LRRC40: variants seen among roughly 807,000 people sequenced by gnomAD.
LRRC40 encodes the protein leucine rich repeat containing 40, also known as leucine-rich repeat-containing protein 40.
In LRRC40, 76 loss-of-function variants were observed where a neutral mutation model predicts 72.8. The ratio of observed to expected loss-of-function variants is 1.04; its 90% CI spans 0.87 to 1.26. The LOEUF (loss-of-function observed/expected upper bound fraction) is 1.26. Among genes scored for constraint, LRRC40 ranks in the 50% most tolerant of loss-of-function variants. The pLI, the probability that LRRC40 is intolerant of heterozygous loss-of-function variation, is 0.00. For synonymous variants in LRRC40, 243 were observed against 254.2 expected (o/e 0.96, Z 0.42); for missense variants, 684 against 698.9 (o/e 0.98, Z 0.24).
At chr1:70,174,822 A>C (rs950238605) in intron 7 of LRRC40, among the ~76,000 whole-genome samples, 1 of 152,096 alleles carries the variant, frequency 6.6e-6, no homozygotes, top group Non-Finnish European at 1.5e-5. Flanking sequence ...TTTTAGGGAG[A>C]TAGAAATGTT....
chr1:70,195,490 C>T (rs1003375489), intron 1 of LRRC40, among the ~76,000 whole-genome samples: 3 of 151,432 alleles, frequency 2.0e-5, no homozygotes, highest in African/African-American at 7.3e-5. Flanking sequence ...ATTAAAACCA[C>T]AAAAAAATAT....
Position 70,187,326 on chromosome 1 carries a change from G to A in LRRC40, c.346C>T (p.Gln116Ter). Reference protein sequence around the residue: ...ALTVLDIHDNQLTSLPSAIRE... With the variant: ...ALTVLDIHDN Reference sequence around the variant, plus strand: ...ATAGCAGAAGGAAGGGATGTCAACTGATTATCATGTATCTAAAAGTTTTTA... The same window carrying A: ...ATAGCAGAAGGAAGGGATGTCAACTAATTATCATGTATCTAAAAGTTTTTA... Residue 116 changes from glutamine (Q) to a stop codon, truncating the protein, a stop_gained, in exon 3 of 15, where the codon CAG (glutamine) becomes TAG (stop). Transcript: ENST00000370952. LOFTEE classifies it high-confidence loss of function. 1 of 1,560,582 alleles carries A rather than the reference G, an allele frequency of 6.4e-7. No homozygotes were observed. Among genetic ancestry groups the A allele is most frequent in the Non-Finnish European group, 8.8e-7 (1 of 1,137,102 alleles).
In LRRC40 at chr1:70,148,469, G is replaced by A. The variant is rs1667372247; in HGVS notation, c.1703+18C>T. ...TCAATAAAATAAATGAAACAATGCA[G>A]TAGAATGGTGTAGTTACCTTAAGTT... On this transcript the variant is annotated intron_variant, in intron 14 of 14. Coordinates refer to ENST00000370952, the MANE Select transcript of LRRC40 (RefSeq NM_017768.5). The A allele has an allele frequency of 1.3e-6, 2 of 1,568,286 alleles. No homozygotes were observed. The highest frequency in any genetic ancestry group is 4.5e-5 in the East Asian group (2 of 44,458).
In LRRC40 at chr1:70,152,543, C is replaced by T. The variant is rs1346885549; in HGVS notation, c.1329G>A (p.Arg443=). Residue 443 remains arginine, a splice_region_variant and synonymous_variant, in exon 12 of 15, where the codon AGG becomes AGA. Transcript: ENST00000370952. The stretch of plus-strand genomic sequence containing the variant: ...AAACCATTTCCTTCAGTTCTACCAT[C>T]CTGAAACAAAAATAATTTTAAAATG... The part of the protein sequence containing the change: ...SKNQLCEIPK[R]MVELKEMVSD... The T allele has an allele frequency of 6.6e-7, 1 of 1,507,154 alleles. No homozygotes were observed. The highest frequency in any genetic ancestry group is 2.3e-5 in the East Asian group (1 of 44,162). The allele number at this position is 1,507,154 out of a possible 1,614,324, so 93.4% of individuals were successfully genotyped here.
At chr1:70,198,285 G>C (rs1668659975) in intron 1 of LRRC40, among the ~76,000 whole-genome samples, 1 of 152,100 alleles carries the variant, frequency 6.6e-6, no homozygotes, top group Non-Finnish European at 1.5e-5. Context: ...AATTTAACTG[G>C]CTTATTTAAT....
chr1:70,154,844 T>C (rs796289093), intron 11 of LRRC40, among the ~76,000 whole-genome samples: 77 of 152,236 alleles, frequency 5.1e-4, no homozygotes, highest in African/African-American at 1.7e-3. Context: ...GTTTAATTCT[T>C]ATAAACAGGC....
intron 6 of LRRC40, among the ~76,000 whole-genome samples, chr1:70,178,304 CTTA>C (rs1279156111): frequency 2.0e-5 from 3 of 152,052 alleles, no homozygotes; most frequent in Non-Finnish European, 1.5e-5. Flanking sequence ...GAAAATTATT[CTTA>C]TTAAAGGAAA....
In LRRC40 at chr1:70,184,909, T is replaced by C. The variant is rs1558124375; in HGVS notation, c.413A>G (p.Asn138Ser). 6.3e-7 allele frequency: 1 copy of C among 1,596,614 alleles called. No individual in the cohort carries two copies. Reference sequence around the variant, plus strand: ...TTCTTCAGGGAGTATTTTCAGTTTATTATGGCTATTGGTTGATAAAATAAA... The same window carrying C: ...TTCTTCAGGGAGTATTTTCAGTTTACTATGGCTATTGGTTGATAAAATAAA... ...ENLQKLNVSH[N>S]KLKILPEEIT... The change falls in exon 4 of 15, where the codon AAT (asparagine) becomes AGT (serine). Residue 138 changes from asparagine (N) to serine (S), a missense_variant. Asn to Ser is a conservative substitution (Grantham distance 46). Transcript: ENST00000370952.
chr1:70,175,686 C>T, intron 7 of LRRC40, 124 bp downstream of exon 7: 2 of 658,778 alleles, frequency 3.0e-6, no homozygotes, highest in Non-Finnish European at 4.9e-6. Context: ...AACTACTGCT[C>T]AATCAATATT....
At position 70,157,921 on chromosome 1, in the gene LRRC40, CAG is replaced by C. The variant is rs1420917864; in HGVS notation, c.1220+1407_1220+1408del. Among the ~76,000 whole-genome samples, 5 of 151,602 alleles carry C rather than the reference CAG, an allele frequency of 3.3e-5. No homozygotes were observed. The East Asian group carries it at 9.7e-4, about 29-fold the overall frequency. On this transcript the variant is annotated intron_variant, in intron 10 of 14. Coordinates refer to ENST00000370952, the MANE Select transcript of LRRC40 (RefSeq NM_017768.5). Reference sequence around the variant, plus strand: ...GAGTTCAAGAACAGCCTGGGTAACACAGAGAGGCCCCATCTCTACAAAAAATA... The same window carrying C: ...GAGTTCAAGAACAGCCTGGGTAACACAGAGGCCCCATCTCTACAAAAAATA...
At chr1:70,158,576 A>G (rs532442932) in intron 10 of LRRC40, among the ~76,000 whole-genome samples, 57 of 152,290 alleles carry the variant, frequency 3.7e-4, no homozygotes, top group African/African-American at 1.3e-3. Context: ...AATTTCATAT[A>G]CTTCCATAAA....
chr1:70,190,591 C>T (rs1668473082), intron 1 of LRRC40, among the ~76,000 whole-genome samples: 2 of 144,160 alleles, frequency 1.4e-5, no homozygotes, highest in Non-Finnish European at 3.0e-5. Flanking sequence ...AGGAGGATTG[C>T]CGGAGCACAG....
At chr1:70,180,595 T>C (rs1668221856) in intron 5 of LRRC40, among the ~76,000 whole-genome samples, 1 of 152,232 alleles carries the variant, frequency 6.6e-6, no homozygotes, top group African/African-American at 2.4e-5. Flanking sequence ...TCAGATATTA[T>C]GGTTTGATGG....
At chr1:70,191,805 T>C (rs972701377) in intron 1 of LRRC40, among the ~76,000 whole-genome samples, 1 of 152,146 alleles carries the variant, frequency 6.6e-6, no homozygotes, top group Admixed American at 6.6e-5. Flanking sequence ...GTCAATAGCA[T>C]ATAAATATCA....
intron 2 of LRRC40, 24 bp downstream of exon 2, chr1:70,189,068 C>G: frequency 6.4e-7 from 1 of 1,573,946 alleles, no homozygotes; most frequent in Non-Finnish European, 8.6e-7. Flanking sequence ...ATTAATAATC[C>G]ATATTTATAG....
At chr1:70,169,349 C>T (rs1045639232) in intron 9 of LRRC40, among the ~76,000 whole-genome samples, 6 of 152,170 alleles carry the variant, frequency 3.9e-5, no homozygotes, top group Non-Finnish European at 5.9e-5. Context: ...TTCTTTACTA[C>T]AACTGTCTTG....
At chr1:70,163,079 CTT>C (rs377411157) in intron 9 of LRRC40, among the ~76,000 whole-genome samples, 35 of 140,458 alleles carry the variant, frequency 2.5e-4, no homozygotes, top group African/African-American at 5.5e-4. Flanking sequence ...CTTTCCTTTT[CTT>C]TTTTTTTTTT....
At chr1:70,156,271 A>T (rs560848424) in intron 10 of LRRC40, among the ~76,000 whole-genome samples, 1 of 151,942 alleles carries the variant, frequency 6.6e-6, no homozygotes, top group Admixed American at 6.6e-5. Flanking sequence ...AACTAACTAA[A>T]ATTAGTTTAA....
chr1:70,156,077 T>C (rs1457464923), intron 10 of LRRC40, among the ~76,000 whole-genome samples: 1 of 152,128 alleles, frequency 6.6e-6, no homozygotes, highest in African/African-American at 2.4e-5. Flanking sequence ...GAGTCTAAGA[T>C]ATCTACAAGT....
Sources: gnomAD v4.1 joint callset for allele counts (sites outside exome capture counted in the v4.1 genomes callset) on GRCh38, gnomAD v4.1.1 for gene constraint, MANE v1.5 for transcripts, NCBI Gene and HGNC (gene_info 2026-07-23, HGNC 2026-07-21) for gene names.